ANKEF1: variants seen among roughly 807,000 people sequenced by gnomAD.
The protein encoded by ANKEF1 is ankyrin repeat and EF-hand domain-containing protein 1.
Under a neutral mutation model 65.1 loss-of-function variants are expected in ANKEF1, and 43 were observed. The ratio of observed to expected loss-of-function variants is 0.66; its 90% CI spans 0.52 to 0.85. The LOEUF is 0.85. ANKEF1 is among the 40% of genes least tolerant of loss of function. ANKEF1 has a pLI of 0.00. For missense variants in ANKEF1, 934 were observed against 952.9 expected, an observed-to-expected ratio of 0.98 and a Z score of 0.26; for synonymous variants, 316 against 341.5, an observed-to-expected ratio of 0.93 and a Z score of 0.82.
chr20:10,049,827 A>T lies in ANKEF1; in HGVS notation c.1258A>T (p.Met420Leu), dbSNP rs1311682116. 1 of 1,614,050 alleles carries T rather than the reference A, an allele frequency of 6.2e-7. No homozygotes were observed. Among genetic ancestry groups the T allele is most frequent in the Non-Finnish European group, 8.5e-7 (1 of 1,180,022 alleles). ...TGGACCTAAGAAAAAGGAAAAAGGG[A>T]TGGGCAAAAAAGGAAAGAAAGGGAA... The part of the protein sequence containing the change: ...SYGPKKKEKG[M>L]GKKGKKGKFV... The change falls in exon 7 of 11, where the codon ATG (methionine) becomes TTG (leucine). Residue 420 changes from methionine (M) to leucine (L), a missense_variant. By Grantham distance (15) the Met-to-Leu change is conservative. Transcript: ENST00000378392.
chr20:10,037,789 C>G (rs1182030643), intron 2 of ANKEF1, among the ~76,000 whole-genome samples: 1 of 152,202 alleles, frequency 6.6e-6, no homozygotes, highest in Non-Finnish European at 1.5e-5. Flanking sequence ...ATAGGAATCA[C>G]TCATCACATC....
rs777821834 is a variant in ANKEF1 at position 10,050,016 on chromosome 20, GTT to G, written c.1449_1450del (p.Trp484ValfsTer3). ...PPEHPIQDDS[V>X]WYIDDSEKVF... ...AGAACATCCCATTCAGGATGACTCT[GTT>G]TGGTACATTGATGATTCAGAGAAGG... On this transcript the variant is annotated frameshift_variant, in exon 7 of 11. Transcript: ENST00000378392. LOFTEE classifies it high-confidence loss of function. 19 of 1,614,144 alleles carry G rather than the reference GTT, an allele frequency of 1.2e-5. No individual in the cohort carries two copies. The highest frequency in any genetic ancestry group is 1.7e-5 in the Admixed American group (1 of 60,016).
chr20:10,049,703 C>A lies in ANKEF1; in HGVS notation c.1134C>A (p.Ile378=), dbSNP rs773933031. Residue 378 remains isoleucine, a synonymous_variant, in exon 7 of 11, where the codon ATC becomes ATA. Transcript: ENST00000378392. ...CAAGCTCAGAACAGCTGGCTGCCAT[C>A]GCTCACCTTCATGAGAAAACCCGGG... is the stretch of plus-strand genomic sequence containing the variant. ...DYASSEQLAA[I]AHLHEKTRGG... 5 of 1,614,112 alleles carry A rather than the reference C, an allele frequency of 3.1e-6. No individual in the cohort carries two copies. The highest frequency in any genetic ancestry group is 8.5e-7 in the Non-Finnish European group (1 of 1,180,006).
intron 1 of ANKEF1, 101 bp downstream of exon 1, chr20:10,035,434 T>C (rs1016175635): frequency 6.6e-6 from 1 of 152,196 alleles, no homozygotes; most frequent in African/African-American, 2.4e-5. Context: ...GAAAGCACAG[T>C]AGAGAACCCC....
Position 10,045,557 on chromosome 20 carries a change from C to A in ANKEF1, c.697-17C>A, listed in dbSNP as rs748075747. 15 of 1,611,592 alleles carry A rather than the reference C, an allele frequency of 9.3e-6. No homozygotes were observed. In the East Asian group the frequency reaches 3.3e-4, roughly 36 times the overall value. ...TACATTCCTATTCCTCCACAATATC[C>A]ACTATTTATTTTACAGATATTGAAG... On this transcript the variant is annotated splice_polypyrimidine_tract_variant and intron_variant, in intron 5 of 10. Transcript: ENST00000378392.
chr20:10,056,112 C>G lies in ANKEF1; in HGVS notation c.*452C>G, dbSNP rs760849858. On this transcript the variant is annotated 3_prime_UTR_variant, in exon 11 of 11. Coordinates refer to ENST00000378392, the MANE Select transcript of ANKEF1 (RefSeq NM_022096.6). ...GGATTATAGGCATGAGCTACTGTGC[C>G]CAGCCTGCTTATTGAAGATACATTT... 55 of 153,662 alleles carry G rather than the reference C, an allele frequency of 3.6e-4. No homozygotes were observed. The highest frequency in any genetic ancestry group is 3.4e-3 in the Middle Eastern group (1 of 292). The allele number at this position is 153,662 out of a possible 1,614,324, so 9.5% of individuals were successfully genotyped here. A position where few individuals can be genotyped will look rare whatever the true frequency, so the allele number is the denominator to read the frequency against.
chr20:10,046,144 G>C (rs1484479652), intron 6 of ANKEF1, among the ~76,000 whole-genome samples: 1 of 152,008 alleles, frequency 6.6e-6, no homozygotes, highest in Admixed American at 6.6e-5. Context: ...GGGTGGTGAC[G>C]GCGCCTGTAA....
At chr20:10,042,806 A>G (rs1984268236) in intron 3 of ANKEF1, among the ~76,000 whole-genome samples, 1 of 152,174 alleles carries the variant, frequency 6.6e-6, no homozygotes, top group Non-Finnish European at 1.5e-5. Flanking sequence ...AGCCCTTCAC[A>G]TTCCAAGAAG....
At chr20:10,046,342 T>C (rs947236089) in intron 6 of ANKEF1, among the ~76,000 whole-genome samples, 8 of 152,232 alleles carry the variant, frequency 5.3e-5, no homozygotes, top group Non-Finnish European at 1.0e-4. Context: ...ACCATTTGCT[T>C]TCATTTGAAT....
At chr20:10,046,923 C>A (rs1452232506) in intron 6 of ANKEF1, among the ~76,000 whole-genome samples, 1 of 152,140 alleles carries the variant, frequency 6.6e-6, no homozygotes, top group African/African-American at 2.4e-5. Flanking sequence ...GTGATAAACC[C>A]TTTTAGCAAA....
chr20:10,046,359 T>C (rs1254337755), intron 6 of ANKEF1, among the ~76,000 whole-genome samples: 1 of 152,244 alleles, frequency 6.6e-6, no homozygotes, highest in African/African-American at 2.4e-5. Context: ...GAATTTTTAG[T>C]TTATTTTAAA....
chr20:10,039,577 C>T (rs538848854), intron 3 of ANKEF1, among the ~76,000 whole-genome samples: 2 of 152,246 alleles, frequency 1.3e-5, no homozygotes, highest in South Asian at 4.1e-4. Flanking sequence ...TTTAATTGTA[C>T]CACGTAAGAA....
intron 3 of ANKEF1, among the ~76,000 whole-genome samples, chr20:10,039,139 T>C (rs1984032440): frequency 6.6e-6 from 1 of 152,206 alleles, no homozygotes; most frequent in Non-Finnish European, 1.5e-5. Flanking sequence ...AAACTCCAAC[T>C]TTCTAGGATC....
chr20:10,035,762 TCCTC>T (rs1252728023), intron 2 of ANKEF1, 120 bp downstream of exon 2: 5 of 152,260 alleles, frequency 3.3e-5, no homozygotes, highest in African/African-American at 1.2e-4. Context: ...AAGCTTGTCT[TCCTC>T]CATTCCTCTT....
Position 10,044,410 on chromosome 20 carries a change from C to A in ANKEF1, c.563C>A (p.Ala188Asp), listed in dbSNP as rs757633997. 92 of 1,613,924 alleles carry A rather than the reference C, an allele frequency of 5.7e-5. No individual in the cohort carries two copies. Among genetic ancestry groups the A allele is most frequent in the Non-Finnish European group, 7.5e-5 (89 of 1,179,970 alleles). Residue 188 changes from alanine to aspartate, a missense_variant, in exon 5 of 11, where the codon GCT (alanine) becomes GAT (aspartate). Physicochemically the swap from Ala to Asp is moderately radical, Grantham distance 126 (BLOSUM62 -2). Transcript: ENST00000378392. ...NAINSSTGRTALMEASREGVV... is the reference protein window; with the variant it reads ...NAINSSTGRTDLMEASREGVV... The stretch of plus-strand genomic sequence containing the variant: ...CATGTCCAGTCCACAGGCCGCACAG[C>A]TTTAATGGAAGCGTCAAGAGAAGGG...
rs937479190 is a variant in ANKEF1 at position 10,057,347 on chromosome 20, A to G, written c.*1687A>G. On this transcript the variant is annotated 3_prime_UTR_variant, in exon 11 of 11. Coordinates refer to ENST00000378392, the MANE Select transcript of ANKEF1 (RefSeq NM_022096.6). The stretch of plus-strand genomic sequence containing the variant: ...TTTGGATCCCAAGATTTGCTATTAC[A>G]ACTAAATTTTGTCTGTTTTGTAAGG... The G allele has an allele frequency of 2.0e-5, 3 of 152,182 alleles. No individual in the cohort carries two copies. The highest frequency in any genetic ancestry group is 7.2e-5 in the African/African-American group (3 of 41,440). The allele number at this position is 152,182 out of a possible 1,614,324, so 9.4% of individuals were successfully genotyped here.
intron 4 of ANKEF1, among the ~76,000 whole-genome samples, chr20:10,043,652 C>CTTTTTTTTTTTTTTTTTTTTTTTTT (rs374135080): frequency 2.5e-5 from 2 of 81,372 alleles, no homozygotes; most frequent in Non-Finnish European, 4.5e-5. Context: ...TTTTCTTTTC[C>CTTTTTTTTTTTTTTTTTTTTTTTTT]TTTTTTTTTT....
At chr20:10,043,058 A>G in intron 3 of ANKEF1, 64 bp from the exon 4 acceptor site, 2 of 1,500,172 alleles carry the variant, frequency 1.3e-6, no homozygotes, top group Admixed American at 3.8e-5. Context: ...TAATAATTTT[A>G]CTTTCCTTCC....
intron 8 of ANKEF1, 126 bp from the exon 9 acceptor site, chr20:10,052,986 T>TAC: frequency 1.1e-6 from 1 of 885,312 alleles, no homozygotes. Flanking sequence ...TCTGTATATA[T>TAC]ACCCCTTGCT....
Sources: gnomAD v4.1 joint callset for allele counts (sites outside exome capture counted in the v4.1 genomes callset) on GRCh38, gnomAD v4.1.1 for gene constraint, MANE v1.5 for transcripts, NCBI Gene and HGNC (gene_info 2026-07-23, HGNC 2026-07-21) for gene names.